ABHD5: variants seen among roughly 807,000 people sequenced by gnomAD.
ABHD5 encodes abhydrolase domain containing 5, lysophosphatidic acid acyltransferase.
In ABHD5, 30 loss-of-function variants were observed where a neutral mutation model predicts 44.9. The ratio of observed to expected loss-of-function variants is 0.67; its 90% CI spans 0.50 to 0.91. The LOEUF is 0.91. ABHD5 is among the 40% of genes least tolerant of loss of function. ABHD5 has a pLI of 0.00. For synonymous variants in ABHD5, 167 were observed against 147.0 expected, an observed-to-expected ratio of 1.14 and a Z score of -0.99; for missense variants, 399 against 423.4, an observed-to-expected ratio of 0.94 and a Z score of 0.50.
chr3:43,698,163 T>A (rs1191400204), intron 1 of ABHD5, among the ~76,000 whole-genome samples: 2 of 152,234 alleles, frequency 1.3e-5, no homozygotes, highest in Admixed American at 6.5e-5. Flanking sequence ...TCTTGTGTTG[T>A]CTGTCATTAT....
intron 7 of ABHD5, among the ~76,000 whole-genome samples, chr3:43,732,522 A>G (rs1037009934): frequency 5.3e-5 from 8 of 152,218 alleles, no homozygotes; most frequent in African/African-American, 1.9e-4. Context: ...CAGGAAAGAG[A>G]TGGTCAAGAA....
chr3:43,710,472 G>A (rs2084675197), intron 3 of ABHD5, among the ~76,000 whole-genome samples: 1 of 152,162 alleles, frequency 6.6e-6, no homozygotes, highest in South Asian at 2.1e-4. Context: ...GTTAACTAAT[G>A]TTATGTACCG....
intron 2 of ABHD5, among the ~76,000 whole-genome samples, chr3:43,699,919 CT>C: frequency 6.6e-6 from 1 of 152,152 alleles, no homozygotes; most frequent in South Asian, 2.1e-4. Context: ...AATAGAAAGT[CT>C]TAGTATTATG....
chr3:43,717,739 T>C lies in ABHD5; in HGVS notation c.842T>C (p.Ile281Thr). 2 of 1,614,228 alleles carry C rather than the reference T, an allele frequency of 1.2e-6. No individual in the cohort carries two copies. The highest frequency in any genetic ancestry group is 1.3e-5 in the African/African-American group (1 of 75,060). ...GWAKRPMLQR[I>T]GKMHPDIPVS... ...GCAAAAAGGCCAATGCTCCAGCGAATTGGTAAAATGCACCCTGACATTCCA... is the reference window on the plus strand; with the variant it reads ...GCAAAAAGGCCAATGCTCCAGCGAACTGGTAAAATGCACCCTGACATTCCA... The change falls in exon 6 of 7, where the codon ATT becomes ACT. Residue 281 changes from isoleucine to threonine, a missense_variant. By Grantham distance (89) the Ile-to-Thr change is moderately conservative (BLOSUM62 -1). Transcript: ENST00000644371.
rs1465440482 is a variant in ABHD5, at chr3:43,702,607, GA to G, written c.506+21del. The G allele has an allele frequency of 1.2e-6, 2 of 1,613,986 alleles. No homozygotes were observed. The highest frequency in any genetic ancestry group is 2.7e-5 in the African/African-American group (2 of 74,924). On this transcript the variant is annotated intron_variant, in intron 3 of 6. Transcript: ENST00000644371. ...ATCAAGGTAAGTGGTGGTGACAGAAGAGAGGGATTATAACTGTGCTTCCAAG... is the reference window on the plus strand; with the variant it reads ...ATCAAGGTAAGTGGTGGTGACAGAAGGAGGGATTATAACTGTGCTTCCAAG...
At chr3:43,727,573 A>G (rs1005601067), downstream of ABHD5, among the ~76,000 whole-genome samples, 2 of 152,206 alleles carry the variant, frequency 1.3e-5, no homozygotes, top group Middle Eastern at 3.2e-3. Flanking sequence ...CAATGCAGGA[A>G]AAAATGGTGT....
chr3:43,703,493 T>C (rs899890409), intron 3 of ABHD5, among the ~76,000 whole-genome samples: 7 of 152,314 alleles, frequency 4.6e-5, no homozygotes, highest in African/African-American at 1.7e-4. Context: ...TACGTTATTT[T>C]TAAATGCTAT....
chr3:43,701,824 C>A, intron 2 of ABHD5: 1 of 161,934 alleles, frequency 6.2e-6, no homozygotes, highest in Admixed American at 6.0e-5. Context: ...AATTGTAGAA[C>A]ACCTGACAGT....
chr3:43,724,327 G>T (rs2084863608), downstream of ABHD5, among the ~76,000 whole-genome samples: 1 of 152,050 alleles, frequency 6.6e-6, no homozygotes, highest in Non-Finnish European at 1.5e-5. Context: ...TATCAGCAAG[G>T]CTAAGGGCAA....
chr3:43,712,567 T>C (rs752803050), intron 4 of ABHD5, among the ~76,000 whole-genome samples: 127 of 152,318 alleles, frequency 8.3e-4, no homozygotes, highest in Admixed American at 2.3e-3. Flanking sequence ...GTACAACTTG[T>C]ATGAATTTGG....
At chr3:43,700,823 C>T (rs2084533360) in intron 2 of ABHD5, among the ~76,000 whole-genome samples, 1 of 152,166 alleles carries the variant, frequency 6.6e-6, no homozygotes, top group African/African-American at 2.4e-5. Flanking sequence ...ATCCACCTGC[C>T]TCGGCCTCCC....
chr3:43,727,864 C>T (rs1223130855), intron 7 of ABHD5, among the ~76,000 whole-genome samples: 1 of 152,190 alleles, frequency 6.6e-6, no homozygotes, highest in Non-Finnish European at 1.5e-5. Context: ...CCGCCTCGGC[C>T]TCCCAAAGTG....
In ABHD5 at chr3:43,719,674, A is replaced by G. The variant is rs1313507731; in HGVS notation, c.*1142A>G. 6.6e-6 allele frequency: 1 copy of G among 152,200 alleles called. No individual in the cohort carries two copies. The highest frequency in any genetic ancestry group is 6.5e-5 in the Admixed American group (1 of 15,272). The allele number at this position is 152,200 out of a possible 1,614,324, so 9.4% of individuals were successfully genotyped here. ...TTTTTTAGGAACTACCATCAAGTGT[A>G]GCATTTTCTTGCAGTTTTAAAATGA... is the stretch of plus-strand genomic sequence containing the variant. On this transcript the variant is annotated 3_prime_UTR_variant, in exon 7 of 7. Transcript: ENST00000644371.
chr3:43,709,241 T>C (rs775175099), intron 3 of ABHD5, among the ~76,000 whole-genome samples: 18 of 152,224 alleles, frequency 1.2e-4, no homozygotes, highest in Non-Finnish European at 2.1e-4. Flanking sequence ...GACAGTAGAA[T>C]TGAGCAATTG....
At chr3:43,717,919 T>TA in intron 6 of ABHD5, 62 bp downstream of exon 6, 1 of 1,602,770 alleles carries the variant, frequency 6.2e-7, no homozygotes, top group Non-Finnish European at 8.5e-7. Context: ...TTATCTCCCT[T>TA]AAAAGAGGTT....
At chr3:43,701,701 T>C in intron 2 of ABHD5, among the ~76,000 whole-genome samples, 1 of 152,206 alleles carries the variant, frequency 6.6e-6, no homozygotes, top group Non-Finnish European at 1.5e-5. Context: ...TTCACTTACA[T>C]GTTTAACATA....
At position 43,717,446 on chromosome 3, in the gene ABHD5, AAAACT is replaced by A. The variant is rs2084779236; in HGVS notation, c.774-224_774-220del. ...AGGGTTGTACATTTTGGTTTACAAG[AAAACT>A]TTTTTAAAAATCAGCTGGAGTATAC... On this transcript the variant is annotated intron_variant, in intron 5 of 6. Coordinates refer to ENST00000644371, the MANE Select transcript of ABHD5 (RefSeq NM_016006.6). 2.0e-5 allele frequency among the ~76,000 whole-genome samples: 3 copies of A among 152,352 alleles called. No individual in the cohort carries two copies. In the South Asian group the frequency reaches 6.2e-4, roughly 32 times the overall value.
chr3:43,703,625 A>G (rs1447829386), intron 3 of ABHD5, among the ~76,000 whole-genome samples: 3 of 152,182 alleles, frequency 2.0e-5, no homozygotes, highest in Non-Finnish European at 4.4e-5. Context: ...TGAATACAGC[A>G]TTTTTGTGTT....
At chr3:43,711,468 T>C (rs1264031251) in intron 3 of ABHD5, among the ~76,000 whole-genome samples, 1 of 152,218 alleles carries the variant, frequency 6.6e-6, no homozygotes, top group African/African-American at 2.4e-5. Flanking sequence ...ATATCTTTTA[T>C]TATTCACATT....
Sources: allele counts gnomAD v4.1 joint callset (sites outside exome capture counted in the v4.1 genomes callset), GRCh38; gene constraint gnomAD v4.1.1; transcripts MANE v1.5; gene names NCBI Gene and HGNC (gene_info 2026-07-23, HGNC 2026-07-21).